Variants in VPS45 observed in about 807,000 individuals in gnomAD.
VPS45 encodes vacuolar protein sorting 45 homolog, also known as vacuolar protein sorting-associated protein 45.
A neutral mutation model predicts 75.9 loss-of-function variants in VPS45; 35 were observed. The ratio of observed to expected loss-of-function variants is 0.46; its 90% CI spans 0.35 to 0.61. The LOEUF is 0.61. Among genes scored for constraint, VPS45 ranks in the 20% least tolerant of loss-of-function variants. The pLI, the probability that VPS45 is intolerant of heterozygous loss-of-function variation, is 0.00. For missense variants in VPS45, 559 were observed against 685.9 expected (o/e 0.81, Z 2.07); for synonymous variants, 220 against 238.2 (o/e 0.92, Z 0.70).
At chr1:150,091,154 T>G (rs1298593231) in intron 10 of VPS45, among the ~76,000 whole-genome samples, 1 of 152,224 alleles carries the variant, frequency 6.6e-6, no homozygotes, top group Non-Finnish European at 1.5e-5. Flanking sequence ...TATATTACTT[T>G]GATCATCCTT....
chr1:150,116,019 T>C (rs1012857389), intron 14 of VPS45, among the ~76,000 whole-genome samples: 2 of 152,218 alleles, frequency 1.3e-5, no homozygotes, highest in Non-Finnish European at 2.9e-5. Context: ...AGATATTCAT[T>C]TAAAAGAATG....
chr1:150,119,569 C>T (rs782650526), intron 14 of VPS45, among the ~76,000 whole-genome samples: 7 of 152,106 alleles, frequency 4.6e-5, no homozygotes, highest in Non-Finnish European at 7.3e-5. Flanking sequence ...TTAGATTTGC[C>T]GCGATATTGC....
At chr1:150,075,969 G>A (rs587621161) in intron 3 of VPS45, among the ~76,000 whole-genome samples, 1 of 151,336 alleles carries the variant, frequency 6.6e-6, no homozygotes. Flanking sequence ...AGCCAGGATG[G>A]TCTCGATCTC....
chr1:150,144,955 T>G lies in VPS45; in HGVS notation c.*159T>G, dbSNP rs1553816296. The G allele has an allele frequency of 3.3e-6, 5 of 1,532,356 alleles. No individual in the cohort carries two copies. The East Asian group carries it at 1.2e-4, about 37-fold the overall frequency. The allele number at this position is 1,532,356 out of a possible 1,614,324, so 94.9% of individuals were successfully genotyped here. A position where few individuals can be genotyped will look rare whatever the true frequency, so the allele number is the denominator to read the frequency against. ...TACGTGGTTGGCACAGACACAAGACTCCCAGAGTTGTCCTAACAATAAGTC... is the reference window on the plus strand; with the variant it reads ...TACGTGGTTGGCACAGACACAAGACGCCCAGAGTTGTCCTAACAATAAGTC... On this transcript the variant is annotated 3_prime_UTR_variant, in exon 15 of 15. Transcript: ENST00000644510.
In VPS45 at chr1:150,101,234, C is replaced by A. The variant is rs141072191; in HGVS notation, c.1493+7586C>A. ...TGTGAGCCGAGATTGTGCCATTGCA[C>A]ACCAGCCTGGGCAACAAGAGCAAAA... On this transcript the variant is annotated intron_variant, in intron 13 of 14. Transcript: ENST00000644510. Among the ~76,000 whole-genome samples the A allele has an allele frequency of 1.9e-3, 288 of 148,404 alleles. 2 individuals are homozygous for A. The highest frequency in any genetic ancestry group is 6.9e-3 in the African/African-American group (277 of 39,960).
intron 14 of VPS45, among the ~76,000 whole-genome samples, chr1:150,136,954 A>T (rs1553813906): frequency 6.6e-6 from 1 of 152,092 alleles, no homozygotes; most frequent in Middle Eastern, 3.2e-3. Context: ...GCTGGAGTGC[A>T]GTGGTGCCAT....
intron 14 of VPS45, among the ~76,000 whole-genome samples, chr1:150,121,902 T>C (rs994626933): frequency 2.0e-5 from 3 of 152,004 alleles, no homozygotes; most frequent in Non-Finnish European, 4.4e-5. Context: ...AGTAAATCAG[T>C]ATGTAATAGA....
At chr1:150,091,853 A>G (rs1197471002) in intron 10 of VPS45, 84 bp from the exon 11 acceptor site, 1 of 1,279,492 alleles carries the variant, frequency 7.8e-7, no homozygotes, top group African/African-American at 1.5e-5. Flanking sequence ...TATCACTACC[A>G]TTCAATAATT....
At chr1:150,130,214 T>TTTTA (rs1183288752) in intron 14 of VPS45, among the ~76,000 whole-genome samples, 5 of 148,644 alleles carry the variant, frequency 3.4e-5, no homozygotes, top group Admixed American at 1.3e-4. Context: ...TTTTTTTTTT[T>TTTTA]TTTTGAGAGA....
chr1:150,085,413 C>T (rs782221680), intron 10 of VPS45, among the ~76,000 whole-genome samples: 2 of 152,050 alleles, frequency 1.3e-5, no homozygotes, highest in Non-Finnish European at 2.9e-5. Context: ...GAAAAATAGT[C>T]ACTTTAAAAA....
chr1:150,110,131 AC>A, intron 13 of VPS45: 1 of 179,048 alleles, frequency 5.6e-6, no homozygotes, highest in Non-Finnish European at 1.2e-5. Context: ...TAGTATTAAT[AC>A]AAACATAAAA....
chr1:150,091,952 C>T lies in VPS45; in HGVS notation c.1120C>T (p.Leu374=), dbSNP rs1553801968. 6.2e-7 allele frequency: 1 copy of T among 1,613,506 alleles called. No homozygotes were observed. Among genetic ancestry groups the T allele is most frequent in the Admixed American group, 1.7e-5 (1 of 59,844 alleles). ...CTTTCTTCAGAATATAAAAAGGCTT[C>T]TGCAGAACCCCAAAGTGACAGAGTT... ...SSALQNIKRL[L]QNPKVTEFDA... The change falls in exon 11 of 15, where the codon CTG becomes TTG. Residue 374 remains leucine (L), a synonymous_variant. Coordinates refer to ENST00000644510, the MANE Select transcript of VPS45 (RefSeq NM_007259.5).
At position 150,077,751 on chromosome 1, in the gene VPS45, A is replaced by G; in HGVS notation, c.659A>G (p.Asp220Gly). ...PPLLLILDRCDDAITPLLNQW... is the reference protein window; with the variant it reads ...PPLLLILDRCGDAITPLLNQW... ...TTGCTCCTTATTTTAGATCGCTGTG[A>G]TGATGCCATCACCCCATTGCTAAAC... Residue 220 changes from aspartate to glycine, a missense_variant, in exon 7 of 15, where the codon GAT becomes GGT. Asp to Gly is a moderately conservative substitution (Grantham distance 94). Coordinates refer to ENST00000644510, the MANE Select transcript of VPS45 (RefSeq NM_007259.5). The G allele has an allele frequency of 6.2e-7, 1 of 1,614,010 alleles. No individual in the cohort carries two copies. The highest frequency in any genetic ancestry group is 1.1e-5 in the South Asian group (1 of 91,082).
At chr1:150,136,840 A>C (rs1202318354) in intron 14 of VPS45, among the ~76,000 whole-genome samples, 2 of 151,268 alleles carry the variant, frequency 1.3e-5, no homozygotes, top group Admixed American at 6.6e-5. Flanking sequence ...AGTAAAGTCT[A>C]TCTCCAGTGA....
At position 150,133,371 on chromosome 1, in the gene VPS45, G is replaced by A. The variant is rs368616645; in HGVS notation, c.1626-11338G>A. ...TCGAGACCAGCCTGGCCAACATGGTGAAACCCCATCTCTACTAAAAAAAAA... is the reference window on the plus strand; with the variant it reads ...TCGAGACCAGCCTGGCCAACATGGTAAAACCCCATCTCTACTAAAAAAAAA... On this transcript the variant is annotated intron_variant, in intron 14 of 14. Coordinates refer to ENST00000644510, the MANE Select transcript of VPS45 (RefSeq NM_007259.5). Among the ~76,000 whole-genome samples the A allele has an allele frequency of 9.3e-4, 142 of 152,002 alleles. 2 individuals are homozygous for A. Among genetic ancestry groups the A allele is most frequent in the African/African-American group, 3.0e-3 (125 of 41,470 alleles).
chr1:150,082,117 A>G, intron 9 of VPS45, 120 bp downstream of exon 9: 1 of 654,586 alleles, frequency 1.5e-6, no homozygotes, highest in Non-Finnish European at 2.6e-6. Context: ...TTGGTTTGAG[A>G]CTTATTTTCT....
intron 9 of VPS45, 67 bp downstream of exon 9, chr1:150,082,064 T>G (rs587676547): frequency 9.9e-7 from 1 of 1,005,960 alleles, no homozygotes; most frequent in African/African-American, 1.6e-5. Flanking sequence ...AAGCAACACT[T>G]TTGGAATCTT....
At chr1:150,125,611 G>A (rs1658469275) in intron 14 of VPS45, among the ~76,000 whole-genome samples, 1 of 134,406 alleles carries the variant, frequency 7.4e-6, no homozygotes, top group Non-Finnish European at 1.6e-5. Flanking sequence ...GAGAACACTT[G>A]GACACAGGAA....
At chr1:150,142,684 A>G (rs782423078) in intron 14 of VPS45, among the ~76,000 whole-genome samples, 1 of 152,138 alleles carries the variant, frequency 6.6e-6, no homozygotes, top group Non-Finnish European at 1.5e-5. Flanking sequence ...GTTGTTGTTG[A>G]GACAGGGTTT....
Sources: allele counts gnomAD v4.1 joint callset (sites outside exome capture counted in the v4.1 genomes callset), GRCh38; gene constraint gnomAD v4.1.1; transcripts MANE v1.5; gene names NCBI Gene and HGNC (gene_info 2026-07-23, HGNC 2026-07-21).